SEMA3A: variants seen among roughly 807,000 people sequenced by gnomAD.
SEMA3A encodes semaphorin-3A.
In SEMA3A, 29 loss-of-function variants were observed where a neutral mutation model predicts 97.9. The ratio of observed to expected loss-of-function variants is 0.30; its 90% CI spans 0.22 to 0.40. The LOEUF is 0.40. Among genes scored for constraint, SEMA3A ranks in the 10% least tolerant of loss-of-function variants. The probability of loss-of-function intolerance (pLI) is 1.00; values close to 1 mark genes in which losing one functional copy is unlikely to be tolerated. For missense variants in SEMA3A, 763 were observed against 951.3 expected (o/e 0.80, Z 2.60); for synonymous variants, 321 against 323.7 (o/e 0.99, Z 0.09).
intron 3 of SEMA3A, among the ~76,000 whole-genome samples, chr7:84,289,142 T>A (rs1277201755): frequency 6.6e-6 from 1 of 152,086 alleles, no homozygotes; most frequent in Non-Finnish European, 1.5e-5. Flanking sequence ...ACATTTTCAC[T>A]CGTATGTGGG....
At chr7:84,017,232 C>T (rs554029450) in intron 6 of SEMA3A, among the ~76,000 whole-genome samples, 66 of 152,234 alleles carry the variant, frequency 4.3e-4, no homozygotes, top group Middle Eastern at 3.4e-3. Flanking sequence ...ACTGCACTGA[C>T]CTCTCTAAAA....
intron 1 of SEMA3A, among the ~76,000 whole-genome samples, chr7:84,170,310 C>T (rs1338834009): frequency 6.6e-6 from 1 of 151,960 alleles, no homozygotes; most frequent in Non-Finnish European, 1.5e-5. Context: ...TTTTGTAATA[C>T]ACAAAATTAA....
At chr7:84,422,659 T>C (rs768262911) in intron 1 of SEMA3A, among the ~76,000 whole-genome samples, 1 of 152,126 alleles carries the variant, frequency 6.6e-6, no homozygotes, top group African/African-American at 2.4e-5. Flanking sequence ...TTTAGTGCTA[T>C]AAATTACCTT....
intron 1 of SEMA3A, among the ~76,000 whole-genome samples, chr7:84,186,799 T>G (rs1797901051): frequency 6.6e-6 from 1 of 152,058 alleles, no homozygotes; most frequent in Admixed American, 6.6e-5. Flanking sequence ...TAAGTTCATT[T>G]TATTCTAAAT....
chr7:84,000,848 G>A (rs990607954), intron 12 of SEMA3A, among the ~76,000 whole-genome samples: 4 of 152,100 alleles, frequency 2.6e-5, no homozygotes, highest in African/African-American at 9.7e-5. Context: ...ACTGAAGAGT[G>A]AGGAATAACA....
At chr7:84,463,493 C>T (rs936076427) in intron 1 of SEMA3A, among the ~76,000 whole-genome samples, 18 of 151,976 alleles carry the variant, frequency 1.2e-4, no homozygotes, top group African/African-American at 4.1e-4. Flanking sequence ...CGTGATCCGC[C>T]CACCTTGGCC....
At chr7:84,451,393 T>C (rs947184526) in intron 1 of SEMA3A, among the ~76,000 whole-genome samples, 1 of 152,198 alleles carries the variant, frequency 6.6e-6, no homozygotes, top group Non-Finnish European at 1.5e-5. Flanking sequence ...TTTTGAATCA[T>C]TCTGGAACAA....
intron 2 of SEMA3A, among the ~76,000 whole-genome samples, chr7:84,313,354 GTGTATATATATATATATATATATATA>G (rs1200492293): frequency 4.6e-4 from 17 of 36,816 alleles, no homozygotes; most frequent in Admixed American, 8.1e-4. Context: ...ATATGTGTGT[GTGTATATATATATATATATATATATA>G]TATATATATA....
At chr7:84,393,543 C>T (rs191557807) in intron 1 of SEMA3A, among the ~76,000 whole-genome samples, 23 of 152,244 alleles carry the variant, frequency 1.5e-4, no homozygotes, top group Admixed American at 1.4e-3. Context: ...TGAACCCATG[C>T]ATCTATGATC....
intron 3 of SEMA3A, among the ~76,000 whole-genome samples, chr7:84,272,652 A>G (rs1195680903): frequency 6.6e-6 from 1 of 152,016 alleles, no homozygotes; most frequent in Non-Finnish European, 1.5e-5. Context: ...ATTGTAAATG[A>G]GACTAGATTA....
chr7:84,458,448 AT>A (rs1489037900), intron 1 of SEMA3A, among the ~76,000 whole-genome samples: 8 of 146,240 alleles, frequency 5.5e-5, no homozygotes, highest in Non-Finnish European at 1.2e-4. Flanking sequence ...TATTTAAATC[AT>A]AAAAAAATAA....
intron 2 of SEMA3A, among the ~76,000 whole-genome samples, chr7:84,321,198 C>T (rs1043517100): frequency 3.9e-5 from 6 of 152,270 alleles, no homozygotes; most frequent in African/African-American, 1.4e-4. Flanking sequence ...AATCCCATGT[C>T]ATAATCATTA....
chr7:84,438,910 A>T (rs1047490799), intron 1 of SEMA3A, among the ~76,000 whole-genome samples: 2 of 152,114 alleles, frequency 1.3e-5, no homozygotes, highest in African/African-American at 2.4e-5. Context: ...TCAGTTAATT[A>T]CTTTTAAACA....
intron 12 of SEMA3A, among the ~76,000 whole-genome samples, chr7:83,991,238 C>A (rs998885142): frequency 6.6e-6 from 1 of 151,992 alleles, no homozygotes; most frequent in African/African-American, 2.4e-5. Flanking sequence ...ATGGGGTTTT[C>A]TAGATATACG....
chr7:84,369,770 A>T (rs1344542098), intron 2 of SEMA3A, among the ~76,000 whole-genome samples: 1 of 149,050 alleles, frequency 6.7e-6, no homozygotes, highest in Non-Finnish European at 1.5e-5. Flanking sequence ...ATATATATTT[A>T]TATATATAAT....
chr7:84,240,391 G>A (rs1003051357), intron 3 of SEMA3A, among the ~76,000 whole-genome samples: 1 of 150,958 alleles, frequency 6.6e-6, no homozygotes, highest in African/African-American at 2.4e-5. Context: ...GTCCCTAAAT[G>A]TCATCACAAA....
At chr7:84,125,437 T>G (rs1210708754) in intron 3 of SEMA3A, among the ~76,000 whole-genome samples, 3 of 152,210 alleles carry the variant, frequency 2.0e-5, no homozygotes, top group Non-Finnish European at 4.4e-5. Context: ...GTTGCCTTTC[T>G]TCTTTGAAAG....
intron 6 of SEMA3A, among the ~76,000 whole-genome samples, chr7:84,015,886 G>A (rs919923594): frequency 3.3e-5 from 5 of 152,116 alleles, no homozygotes; most frequent in Non-Finnish European, 7.4e-5. Flanking sequence ...AATATTACCT[G>A]TTCATATTTA....
chr7:84,002,834 T>C (rs765692023), intron 11 of SEMA3A, among the ~76,000 whole-genome samples: 75 of 152,292 alleles, frequency 4.9e-4, no homozygotes, highest in Non-Finnish European at 8.7e-4. Context: ...TTTTTCTAAT[T>C]TGCATTGTTA....
Sources: gnomAD v4.1 joint callset for allele counts (sites outside exome capture counted in the v4.1 genomes callset) on GRCh38, gnomAD v4.1.1 for gene constraint, MANE v1.5 for transcripts, NCBI Gene and HGNC (gene_info 2026-07-23, HGNC 2026-07-21) for gene names.